ABLIM2: variants seen among roughly 807,000 people sequenced by gnomAD.
ABLIM2 encodes the protein actin binding LIM protein family member 2.
A neutral mutation model predicts 97.7 loss-of-function variants in ABLIM2; 53 were observed. The observed-to-expected ratio is 0.54, with a 90% CI of 0.44 to 0.68. ABLIM2 has a LOEUF of 0.68. Ranked by LOEUF, ABLIM2 falls within the 30% of genes least tolerant of loss-of-function variation. The pLI is 0.00. For synonymous variants in ABLIM2, 361 were observed against 345.8 expected (o/e 1.04, Z -0.49); for missense variants, 835 against 867.2 (o/e 0.96, Z 0.47).
intron 1 of ABLIM2, among the ~76,000 whole-genome samples, chr4:8,142,743 C>T (rs75217308): frequency 1.3e-5 from 2 of 152,228 alleles, no homozygotes; most frequent in African/African-American, 2.4e-5. Flanking sequence ...TTCCCCTGCA[C>T]GGTTGGACAA....
intron 20 of ABLIM2, 59 bp from the exon 21 acceptor site, chr4:7,967,162 T>C (rs1438619854): frequency 3.5e-6 from 5 of 1,429,298 alleles, no homozygotes; most frequent in East Asian, 4.6e-5. Context: ...GGGACACCAT[T>C]GGGCAGTTTG....
intron 3 of ABLIM2, among the ~76,000 whole-genome samples, chr4:8,090,838 T>G (rs1163025068): frequency 1.3e-5 from 2 of 152,094 alleles, no homozygotes; most frequent in African/African-American, 2.4e-5. Context: ...GACGGAGCAG[T>G]GTCCATCCCA....
At chr4:8,145,158 C>A (rs1851585467) in intron 1 of ABLIM2, among the ~76,000 whole-genome samples, 1 of 151,692 alleles carries the variant, frequency 6.6e-6, no homozygotes, top group Non-Finnish European at 1.5e-5. Context: ...CCCAGTGTTG[C>A]TAGGTGCTCT....
At chr4:8,030,333 G>A (rs1780115636) in intron 10 of ABLIM2, among the ~76,000 whole-genome samples, 1 of 152,174 alleles carries the variant, frequency 6.6e-6, no homozygotes, top group Non-Finnish European at 1.5e-5. Flanking sequence ...AGAGTGGGAG[G>A]CAGGTGGTGT....
At chr4:8,013,219 C>CTTTTTTTTT (rs60424207) in intron 14 of ABLIM2, among the ~76,000 whole-genome samples, 2 of 110,594 alleles carry the variant, frequency 1.8e-5, no homozygotes, top group Non-Finnish European at 3.6e-5. Flanking sequence ...AACATTTTTC[C>CTTTTTTTTT]TTTTTTTTTT....
chr4:8,054,321 G>T lies in ABLIM2; in HGVS notation c.764-75C>A. ...GCAGGGGCCTGTGTGGAAACGCAGA[G>T]GAGGGAGCTGGTCCATGCACAGACG... On this transcript the variant is annotated intron_variant, in intron 7 of 20. Coordinates refer to ENST00000447017, the MANE Select transcript of ABLIM2 (RefSeq NM_001130083.2). This position sits in a 1 kb window ranked among gnomAD's most constrained non-coding sequence, Gnocchi z 4.9. The T allele has an allele frequency of 6.7e-7, 1 of 1,498,710 alleles. No individual in the cohort carries two copies. The allele number at this position is 1,498,710 out of a possible 1,614,324, so 92.8% of individuals were successfully genotyped here.
intron 6 of ABLIM2, among the ~76,000 whole-genome samples, chr4:8,074,089 C>CAAAA (rs869080154): frequency 1.7e-3 from 77 of 45,744 alleles, no homozygotes; most frequent in Non-Finnish European, 2.0e-3. Flanking sequence ...CTCTGTCTCA[C>CAAAA]AAAAAAAAAA....
chr4:7,983,353 G>A lies in ABLIM2; in HGVS notation c.1744-9C>T, dbSNP rs1243998177. The A allele has an allele frequency of 1.9e-6, 3 of 1,610,312 alleles. No individual in the cohort carries two copies. The highest frequency in any genetic ancestry group is 1.1e-5 in the South Asian group (1 of 89,820). ...GAGTCATACGGATAGATCTGTTGGG[G>A]GAGGAAACCACAGGGTCACCTCACG... On this transcript the variant is annotated splice_polypyrimidine_tract_variant and intron_variant, in intron 19 of 20. Transcript: ENST00000447017.
At chr4:8,009,855 C>T (rs868104232) in intron 14 of ABLIM2, among the ~76,000 whole-genome samples, 1 of 152,174 alleles carries the variant, frequency 6.6e-6, no homozygotes, top group Non-Finnish European at 1.5e-5. Context: ...TTTCACAGAT[C>T]GGGAGACTGA....
intron 20 of ABLIM2, among the ~76,000 whole-genome samples, chr4:7,972,028 T>A (rs1326349503): frequency 6.6e-6 from 1 of 152,134 alleles, no homozygotes. Flanking sequence ...GGGTGAGTCT[T>A]GCTTAAGCCG....
intron 9 of ABLIM2, among the ~76,000 whole-genome samples, chr4:8,038,916 G>A (rs1786290697): frequency 6.6e-6 from 1 of 152,102 alleles, no homozygotes; most frequent in Non-Finnish European, 1.5e-5. Context: ...CTCACAGCCT[G>A]GGGGCTTTGC....
In ABLIM2 at chr4:8,003,173, T is replaced by G. The variant is rs78248973; in HGVS notation, c.1618+4886A>C. The stretch of plus-strand genomic sequence containing the variant: ...GGCTCATCATATCCCATAAACCCAG[T>G]AAGATGAGAAGATCAAAAGTCAAAA... On this transcript the variant is annotated intron_variant, in intron 16 of 20. Transcript: ENST00000447017. This position sits in a 1 kb window ranked among gnomAD's most constrained non-coding sequence, Gnocchi z 4.2. 0.03 allele frequency among the ~76,000 whole-genome samples: 4,610 copies of G among 152,220 alleles called. 126 individuals carry two copies. The highest frequency in any genetic ancestry group is 0.067 in the African/African-American group (2,769 of 41,522).
intron 1 of ABLIM2, among the ~76,000 whole-genome samples, chr4:8,153,086 G>A (rs1713639990): frequency 6.6e-6 from 1 of 152,282 alleles, no homozygotes; most frequent in South Asian, 2.1e-4. Context: ...GCCTGATCTG[G>A]CTTCAAGGAT....
chr4:8,081,632 C>G (rs1819878583), intron 4 of ABLIM2, among the ~76,000 whole-genome samples: 1 of 152,106 alleles, frequency 6.6e-6, no homozygotes, highest in South Asian at 2.1e-4. Flanking sequence ...GTGTGACTGT[C>G]TAAGTATGTG....
chr4:8,014,024 T>G (rs1343277018), intron 14 of ABLIM2, among the ~76,000 whole-genome samples: 1 of 152,234 alleles, frequency 6.6e-6, no homozygotes, highest in Non-Finnish European at 1.5e-5. Context: ...GTGTGGGGGC[T>G]GTTCCACCAC....
intron 6 of ABLIM2, among the ~76,000 whole-genome samples, chr4:8,073,836 C>A (rs1451907976): frequency 1.3e-5 from 2 of 152,104 alleles, no homozygotes; most frequent in Non-Finnish European, 2.9e-5. Context: ...GCCTGTAACC[C>A]CGGCATTTTG....
rs558589995 is a variant in ABLIM2, at chr4:8,076,393, G to A, written c.675+1235C>T. 1.2e-4 allele frequency among the ~76,000 whole-genome samples: 18 copies of A among 152,292 alleles called. No homozygotes were observed. In the East Asian group the frequency reaches 2.1e-3, roughly 18 times the overall value. ...CAGAGGGGAGCCTTGGGGATCCAAG[G>A]GTACACCCCATTCCACCCTCTCCAG... On this transcript the variant is annotated intron_variant, in intron 6 of 20. Transcript: ENST00000447017.
Position 8,095,232 on chromosome 4 carries a change from T to C in ABLIM2, c.338+1867A>G, listed in dbSNP as rs114752246. Among the ~76,000 whole-genome samples the C allele has an allele frequency of 1.3e-5, 2 of 152,012 alleles. No individual in the cohort carries two copies. Among genetic ancestry groups the C allele is most frequent in the African/African-American group, 4.8e-5 (2 of 41,364 alleles). On this transcript the variant is annotated intron_variant, in intron 3 of 20. Coordinates refer to ENST00000447017, the MANE Select transcript of ABLIM2 (RefSeq NM_001130083.2). The surrounding 1 kb of genome is among the most constrained non-coding windows in gnomAD (Gnocchi z 4.7). ...AATCCTCCCATCTCAGCCTCTCACA[T>C]AGCTGGGACTACAGGCATGCACCAC...
rs986024673 is a variant in ABLIM2 at position 7,996,508 on chromosome 4, T to C, written c.1619-3581A>G. ...CATTTTATCCTCCCCACTTTGACTA[T>C]GATAGTCTCAGGGACGTCTTCTGTT... On this transcript the variant is annotated intron_variant, in intron 16 of 20. Coordinates refer to ENST00000447017, the MANE Select transcript of ABLIM2 (RefSeq NM_001130083.2). The surrounding 1 kb of genome is among the most constrained non-coding windows in gnomAD (Gnocchi z 4.5). 6.6e-6 allele frequency among the ~76,000 whole-genome samples: 1 copy of C among 152,226 alleles called. No homozygotes were observed. Among genetic ancestry groups the C allele is most frequent in the East Asian group, 1.9e-4 (1 of 5,190 alleles).
Sources: gnomAD v4.1 joint callset for allele counts (sites outside exome capture counted in the v4.1 genomes callset) on GRCh38, gnomAD v4.1.1 for gene constraint, Gnocchi (gnomAD v3.1) non-coding constraint, MANE v1.5 for transcripts, NCBI Gene and HGNC (gene_info 2026-07-23, HGNC 2026-07-21) for gene names.